SPECC1: variants seen among roughly 807,000 people sequenced by gnomAD.
The protein encoded by SPECC1 is sperm antigen with calponin homology and coiled-coil domains 1.
In SPECC1, 62 loss-of-function variants were observed where a neutral mutation model predicts 104.1. The ratio of observed to expected loss-of-function variants is 0.60; its 90% CI spans 0.49 to 0.74. The LOEUF is 0.74. Among genes scored for constraint, SPECC1 ranks in the 30% least tolerant of loss-of-function variants. The pLI is 0.00. For synonymous variants in SPECC1, 513 were observed against 501.6 expected, an observed-to-expected ratio of 1.02 and a Z score of -0.30; for missense variants, 1,306 against 1,310.5, an observed-to-expected ratio of 1.00 and a Z score of 0.05.
At chr17:20,185,076 G>A (rs2035170132) in intron 3 of SPECC1, 1 of 152,226 alleles carries the variant, frequency 6.6e-6, no homozygotes, top group African/African-American at 2.4e-5. Flanking sequence ...AAACACTTCA[G>A]TGATGCAAAA....
At chr17:20,195,358 A>G (rs192833996) in intron 3 of SPECC1, among the ~76,000 whole-genome samples, 224 of 128,204 alleles carry the variant, frequency 1.7e-3, no homozygotes, top group Non-Finnish European at 3.2e-3. Flanking sequence ...CATAACAATT[A>G]TAATTATTAA....
At chr17:20,148,426 A>T (rs1366492896) in intron 3 of SPECC1, among the ~76,000 whole-genome samples, 3 of 151,624 alleles carry the variant, frequency 2.0e-5, no homozygotes, top group Non-Finnish European at 4.4e-5. Flanking sequence ...TTTTCTAGAG[A>T]TAGGGTCTTG....
intron 14 of SPECC1, among the ~76,000 whole-genome samples, chr17:20,306,673 A>AAGG (rs1475661890): frequency 2.0e-5 from 3 of 152,256 alleles, no homozygotes; most frequent in African/African-American, 7.2e-5. Flanking sequence ...GAGAGAGGAA[A>AAGG]AGGAGAGAGA....
intron 3 of SPECC1, 97 bp from the exon 4 acceptor site, chr17:20,204,236 C>A: frequency 1.4e-6 from 2 of 1,393,108 alleles, no homozygotes; most frequent in Non-Finnish European, 1.9e-6. Flanking sequence ...AGAGCGACAG[C>A]CACTGTCCAC....
intron 1 of SPECC1, among the ~76,000 whole-genome samples, chr17:20,070,522 T>G (rs776854064): frequency 6.6e-5 from 10 of 152,186 alleles, no homozygotes; most frequent in Non-Finnish European, 1.0e-4. Context: ...TTGTTGAGGA[T>G]TTTTCTATAT....
At chr17:20,097,477 C>G (rs1350338702) in intron 2 of SPECC1, among the ~76,000 whole-genome samples, 5 of 152,160 alleles carry the variant, frequency 3.3e-5, no homozygotes, top group Admixed American at 3.3e-4. Context: ...GTGCTAAAGG[C>G]CTTGAGATGC....
chr17:20,192,357 T>C (rs148568603), intron 3 of SPECC1, among the ~76,000 whole-genome samples: 24 of 152,272 alleles, frequency 1.6e-4, no homozygotes, highest in Admixed American at 6.5e-4. Context: ...TTTGCACATA[T>C]TTTCTCCCAG....
At chr17:20,125,866 T>G (rs1375120439) in intron 3 of SPECC1, among the ~76,000 whole-genome samples, 1 of 152,190 alleles carries the variant, frequency 6.6e-6, no homozygotes, top group Admixed American at 6.6e-5. Flanking sequence ...GGTGCTGAAT[T>G]CTAAGCTTGA....
At chr17:20,167,987 A>C (rs942618526) in intron 3 of SPECC1, among the ~76,000 whole-genome samples, 2 of 152,254 alleles carry the variant, frequency 1.3e-5, no homozygotes, top group Non-Finnish European at 2.9e-5. Flanking sequence ...GAAAAATATT[A>C]AACACATAAG....
rs1395919924 is a variant in SPECC1 at position 20,298,984 on chromosome 17, G to GTGTGT, written c.3057+1907_3057+1908insTGTGT. Among the ~76,000 whole-genome samples, 278 of 76,668 alleles carry GTGTGT rather than the reference G, an allele frequency of 3.6e-3. 21 individuals carry two copies. Among genetic ancestry groups the GTGTGT allele is most frequent in the East Asian group, 0.011 (17 of 1,564 alleles). The allele number at this position is 76,668 out of a possible 152,430, so 50.3% of individuals were successfully genotyped here. On this transcript the variant is annotated intron_variant, in intron 13 of 14. Transcript: ENST00000395527. Reference sequence around the variant, plus strand: ...GTGTGTGTGTGTGTATGTAGAGAGAGAGAGAGAGAGAGGTGGGGGCTGGGG... The same window carrying GTGTGT: ...GTGTGTGTGTGTGTATGTAGAGAGAGTGTGTAGAGAGAGAGAGGTGGGGGCTGGGG...
At chr17:20,088,634 A>G (rs2152497594) in intron 1 of SPECC1, among the ~76,000 whole-genome samples, 1 of 152,352 alleles carries the variant, frequency 6.6e-6, no homozygotes, top group Non-Finnish European at 1.5e-5. Context: ...CAAGATGAGA[A>G]CCGCAAGTTT....
chr17:20,072,872 A>T (rs113554975), intron 1 of SPECC1, among the ~76,000 whole-genome samples: 3,822 of 152,208 alleles, frequency 0.025, 163 homozygotes, highest in African/African-American at 0.086. Flanking sequence ...GATATAACAC[A>T]TGTTGCTTGT....
At chr17:20,127,767 TG>T (rs2049394698) in intron 3 of SPECC1, among the ~76,000 whole-genome samples, 1 of 152,164 alleles carries the variant, frequency 6.6e-6, no homozygotes, top group African/African-American at 2.4e-5. Flanking sequence ...TAGTGCCTGT[TG>T]GAAGGTGGCC....
chr17:20,251,995 G>A (rs1313453534), intron 9 of SPECC1, among the ~76,000 whole-genome samples: 1 of 152,110 alleles, frequency 6.6e-6, no homozygotes, highest in Non-Finnish European at 1.5e-5. Flanking sequence ...GGGTGATGGT[G>A]GGTATAGAAT....
intron 12 of SPECC1, among the ~76,000 whole-genome samples, chr17:20,283,269 T>C (rs932379191): frequency 1.1e-4 from 17 of 152,214 alleles, no homozygotes; most frequent in Non-Finnish European, 1.0e-4. Context: ...CCCAGAGTTA[T>C]TCCATGAGGG....
chr17:20,017,938 A>T (rs553146209), intron 1 of SPECC1: 1 of 133,040 alleles, frequency 7.5e-6, no homozygotes, highest in South Asian at 2.1e-4. Flanking sequence ...GTGATTCTTT[A>T]TGTGTTCATC....
chr17:20,298,412 T>C (rs2040258115), intron 13 of SPECC1, among the ~76,000 whole-genome samples: 2 of 151,390 alleles, frequency 1.3e-5, no homozygotes, highest in Admixed American at 1.3e-4. Flanking sequence ...CAGCAGCAGC[T>C]GGGGAACACC....
intron 3 of SPECC1, among the ~76,000 whole-genome samples, chr17:20,130,715 CT>C (rs2049572434): frequency 6.6e-6 from 1 of 152,180 alleles, no homozygotes; most frequent in African/African-American, 2.4e-5. Context: ...ATTGTTCTAG[CT>C]AGTCTAGTTC....
chr17:20,036,702 C>G (rs151091680), intron 1 of SPECC1, among the ~76,000 whole-genome samples: 523 of 152,300 alleles, frequency 3.4e-3, no homozygotes, highest in African/African-American at 0.012. Flanking sequence ...CCACTGCCCC[C>G]CTACCCCTAG....
Sources: allele counts gnomAD v4.1 joint callset (sites outside exome capture counted in the v4.1 genomes callset), GRCh38; gene constraint gnomAD v4.1.1; transcripts MANE v1.5; gene names NCBI Gene and HGNC (gene_info 2026-07-23, HGNC 2026-07-21).